Variants in GRAMD2B observed in about 807,000 individuals in gnomAD.
The protein encoded by GRAMD2B is GRAM domain-containing protein 2B.
A neutral mutation model predicts 59.2 loss-of-function variants in GRAMD2B; 41 were observed. The ratio of observed to expected loss-of-function variants is 0.69; its 90% CI spans 0.54 to 0.90. The LOEUF is 0.90. Ranked by LOEUF, GRAMD2B falls within the 40% of genes least tolerant of loss-of-function variation. GRAMD2B has a pLI of 0.00. For missense variants in GRAMD2B, 424 were observed against 500.5 expected (o/e 0.85, Z 1.46); for synonymous variants, 161 against 182.7 (o/e 0.88, Z 0.96).
intron 1 of GRAMD2B, among the ~76,000 whole-genome samples, chr5:126,446,521 C>T (rs1032341234): frequency 1.3e-4 from 20 of 151,620 alleles, no homozygotes; most frequent in Non-Finnish European, 2.4e-4. Flanking sequence ...CCAGCAGTAA[C>T]CGTGACTGAT....
upstream of GRAMD2B, among the ~76,000 whole-genome samples, chr5:126,367,082 C>T (rs943656308): frequency 6.6e-6 from 1 of 151,944 alleles, no homozygotes; most frequent in African/African-American, 2.4e-5. Context: ...GTCTCGAACT[C>T]TTTATCTCAG....
intron 1 of GRAMD2B, among the ~76,000 whole-genome samples, chr5:126,395,443 A>G (rs1757276382): frequency 1.3e-5 from 2 of 152,174 alleles, no homozygotes; most frequent in Admixed American, 6.5e-5. Context: ...GGTCTGACAC[A>G]AGGCTGGGGA....
At chr5:126,424,669 C>T (rs1760274994) in intron 1 of GRAMD2B, among the ~76,000 whole-genome samples, 1 of 152,184 alleles carries the variant, frequency 6.6e-6, no homozygotes, top group African/African-American at 2.4e-5. Flanking sequence ...TCACAATTTC[C>T]CTGCGTCTGT....
chr5:126,403,011 G>A (rs1757967148), intron 1 of GRAMD2B, among the ~76,000 whole-genome samples: 1 of 151,950 alleles, frequency 6.6e-6, no homozygotes. Context: ...ATGTAATGGG[G>A]AAGTTAGTAG....
intron 1 of GRAMD2B, among the ~76,000 whole-genome samples, chr5:126,391,297 G>A: frequency 1.0e-5 from 1 of 98,562 alleles, no homozygotes; most frequent in African/African-American, 3.7e-5. Context: ...TCCAGCCTGG[G>A]CAAGAGAGGG....
At chr5:126,416,369 A>G (rs575264832) in intron 1 of GRAMD2B, among the ~76,000 whole-genome samples, 1 of 152,324 alleles carries the variant, frequency 6.6e-6, no homozygotes, top group South Asian at 2.1e-4. Context: ...AAGAGTAATT[A>G]TTCAACATTA....
chr5:126,436,222 T>G (rs1762376939), intron 1 of GRAMD2B, among the ~76,000 whole-genome samples: 1 of 152,246 alleles, frequency 6.6e-6, no homozygotes, highest in South Asian at 2.1e-4. Flanking sequence ...AGCATTTTAA[T>G]TTACTTTATA....
chr5:126,384,483 T>C (rs1283856883), intron 1 of GRAMD2B, among the ~76,000 whole-genome samples: 1 of 152,254 alleles, frequency 6.6e-6, no homozygotes, highest in African/African-American at 2.4e-5. Flanking sequence ...AGTTTCTATT[T>C]ATTCCTTCAA....
chr5:126,470,636 G>A (rs1769381057), intron 3 of GRAMD2B, among the ~76,000 whole-genome samples: 1 of 151,782 alleles, frequency 6.6e-6, no homozygotes, highest in African/African-American at 2.4e-5. Flanking sequence ...TTGGCTCACT[G>A]CAACCTCCAC....
intron 1 of GRAMD2B, among the ~76,000 whole-genome samples, chr5:126,460,552 C>G (rs1410827339): frequency 6.6e-6 from 1 of 152,198 alleles, no homozygotes; most frequent in African/African-American, 2.4e-5. Flanking sequence ...CCTGCACTTC[C>G]GCACTCCATT....
upstream of GRAMD2B, among the ~76,000 whole-genome samples, chr5:126,420,171 C>A (rs1221590216): frequency 6.6e-6 from 1 of 151,414 alleles, no homozygotes; most frequent in Non-Finnish European, 1.5e-5. Flanking sequence ...CTTATTGGTA[C>A]AATATCAAAG....
intron 1 of GRAMD2B, among the ~76,000 whole-genome samples, chr5:126,373,132 GT>G (rs1754907024): frequency 2.0e-5 from 3 of 152,038 alleles, no homozygotes; most frequent in Non-Finnish European, 4.4e-5. Flanking sequence ...TCTGTAAGTG[GT>G]TTTTTTAAAT....
chr5:126,466,745 T>C (rs1039265930), intron 2 of GRAMD2B, among the ~76,000 whole-genome samples: 2 of 152,178 alleles, frequency 1.3e-5, no homozygotes, highest in African/African-American at 4.8e-5. Flanking sequence ...CCTCAAAGCC[T>C]CACCTAATGC....
At chr5:126,459,574 A>T (rs1040552072) in intron 1 of GRAMD2B, among the ~76,000 whole-genome samples, 1 of 152,266 alleles carries the variant, frequency 6.6e-6, no homozygotes, top group South Asian at 2.1e-4. Flanking sequence ...CAGCTAATTC[A>T]CAAAACAAGA....
rs113965097 is a variant in GRAMD2B, at chr5:126,482,841, C to G, written c.736-622C>G. Among the ~76,000 whole-genome samples, 227 of 152,296 alleles carry G rather than the reference C, an allele frequency of 1.5e-3. 1 individual carries two copies. The highest frequency in any genetic ancestry group is 5.2e-3 in the African/African-American group (215 of 41,564). The stretch of plus-strand genomic sequence containing the variant: ...CATTTGTCTCTTCAGTTCTTAAGCA[C>G]TTTGGGGAACCAGTAGAATACAAAG... On this transcript the variant is annotated intron_variant, in intron 8 of 13. Coordinates refer to ENST00000285689, the MANE Select transcript of GRAMD2B (RefSeq NM_023927.4).
intron 1 of GRAMD2B, among the ~76,000 whole-genome samples, chr5:126,383,505 G>A (rs1755836573): frequency 1.3e-5 from 2 of 152,092 alleles, no homozygotes; most frequent in Admixed American, 1.3e-4. Flanking sequence ...TTACTCATGG[G>A]AACTTTTTAT....
At chr5:126,478,427 G>C (rs1164018493) in intron 6 of GRAMD2B, among the ~76,000 whole-genome samples, 1 of 152,016 alleles carries the variant, frequency 6.6e-6, no homozygotes, top group Non-Finnish European at 1.5e-5. Context: ...AACAGAGAAA[G>C]ACCCTGTCTC....
intron 11 of GRAMD2B, among the ~76,000 whole-genome samples, chr5:126,486,057 T>C (rs139728668): frequency 0.014 from 2,069 of 152,284 alleles, 45 homozygotes; most frequent in African/African-American, 0.048. Flanking sequence ...TGTTATTTTT[T>C]TTACCTTATT....
chr5:126,411,977 C>T (rs1758845103), intron 1 of GRAMD2B, among the ~76,000 whole-genome samples: 1 of 151,938 alleles, frequency 6.6e-6, no homozygotes, highest in African/African-American at 2.4e-5. Context: ...TGAAACTTTA[C>T]TAAGTCATTT....
Sources: allele counts gnomAD v4.1 joint callset (sites outside exome capture counted in the v4.1 genomes callset), GRCh38; gene constraint gnomAD v4.1.1; transcripts MANE v1.5; gene names NCBI Gene and HGNC (gene_info 2026-07-23, HGNC 2026-07-21).